The following ZNF618 variants were observed in gnomAD, a reference collection of about 807,000 sequenced individuals.
ZNF618 encodes the protein neural precursor cell expressed, developmentally down-regulated 10.
ZNF618 carries 34 observed loss-of-function variants against 103.0 expected under a neutral mutation model. That is an observed-to-expected ratio of 0.33 (90% CI 0.25 to 0.44). ZNF618 has a LOEUF of 0.44. Ranked by LOEUF, ZNF618 falls within the 20% of genes least tolerant of loss-of-function variation. The pLI, the probability that ZNF618 is intolerant of heterozygous loss-of-function variation, is 1.00. For missense variants in ZNF618, 1,059 were observed against 1,295.4 expected (o/e 0.82, Z 2.80); for synonymous variants, 551 against 542.2 (o/e 1.02, Z -0.23).
intron 10 of ZNF618, among the ~76,000 whole-genome samples, chr9:114,027,468 C>G (rs1843615380): frequency 6.6e-6 from 1 of 152,198 alleles, no homozygotes; most frequent in South Asian, 2.1e-4. Context: ...ATGGGCAGCC[C>G]CAGTCCTCAC....
chr9:113,994,153 G>C (rs527628572), intron 3 of ZNF618, among the ~76,000 whole-genome samples: 31 of 152,360 alleles, frequency 2.0e-4, no homozygotes, highest in African/African-American at 7.2e-4. Flanking sequence ...GCCAGGAAAA[G>C]AGGAGGAAGG....
chr9:113,909,845 C>T (rs1831354115), intron 1 of ZNF618, among the ~76,000 whole-genome samples: 1 of 151,432 alleles, frequency 6.6e-6, no homozygotes, highest in African/African-American at 2.4e-5. Flanking sequence ...AGTGCGGTGG[C>T]GCGGTCTCAG....
In ZNF618 at chr9:114,011,066, GAGAA is replaced by G. The variant is rs368700257; in HGVS notation, c.754+2516_754+2519del. Among the ~76,000 whole-genome samples, 757 of 152,258 alleles carry G rather than the reference GAGAA, an allele frequency of 5.0e-3. 3 individuals carry two copies. Among genetic ancestry groups the G allele is most frequent in the African/African-American group, 0.018 (732 of 41,544 alleles). Reference sequence around the variant, plus strand: ...CCAAGGTGTAGGGAGACCTGTTACTGAGAAAGAGTCAAGGGCAAGAGTTTTAGAG... The same window carrying G: ...CCAAGGTGTAGGGAGACCTGTTACTGAGAGTCAAGGGCAAGAGTTTTAGAG... On this transcript the variant is annotated intron_variant, in intron 9 of 14. Transcript: ENST00000374126.
chr9:114,050,375 C>T lies in ZNF618; in HGVS notation c.*208C>T, dbSNP rs576751251. On this transcript the variant is annotated 3_prime_UTR_variant, in exon 15 of 15. Coordinates refer to ENST00000374126, the MANE Select transcript of ZNF618 (RefSeq NM_001318042.2). ...GTGTGTGCACGTGTCTGAACACGTG[C>T]TGTGGTTGTGGGGGTGTGGGGGGGT... 1.3e-3 allele frequency: 694 copies of T among 551,470 alleles called. 8 individuals are homozygous for T. The highest frequency in any genetic ancestry group is 8.7e-3 in the South Asian group (324 of 37,288). 34.2% of individuals were successfully genotyped at this position (551,470 alleles called of 1,614,324 possible).
At chr9:113,893,708 G>A (rs1322755561) in intron 1 of ZNF618, among the ~76,000 whole-genome samples, 1 of 151,894 alleles carries the variant, frequency 6.6e-6, no homozygotes, top group African/African-American at 2.4e-5. Flanking sequence ...GAACATTTAG[G>A]TTGGTTCTGA....
At chr9:113,940,168 A>G (rs1331595138) in intron 1 of ZNF618, among the ~76,000 whole-genome samples, 1 of 151,752 alleles carries the variant, frequency 6.6e-6, no homozygotes, top group Non-Finnish European at 1.5e-5. Flanking sequence ...TACATTTCCA[A>G]GTGGTTAAAC....
At chr9:114,038,410 C>CAG (rs1564334633) in intron 13 of ZNF618, among the ~76,000 whole-genome samples, 3 of 152,206 alleles carry the variant, frequency 2.0e-5, no homozygotes, top group Non-Finnish European at 4.4e-5. Flanking sequence ...TCAGCGCAGC[C>CAG]AGAGAATGCC....
At chr9:113,995,796 A>G (rs1840532315) in intron 3 of ZNF618, among the ~76,000 whole-genome samples, 3 of 152,100 alleles carry the variant, frequency 2.0e-5, no homozygotes, top group Admixed American at 6.5e-5. Flanking sequence ...TGAGCCCGAC[A>G]CCAGTATTGT....
chr9:114,041,363 T>C (rs1015336762), intron 13 of ZNF618, among the ~76,000 whole-genome samples: 1 of 152,266 alleles, frequency 6.6e-6, no homozygotes, highest in African/African-American at 2.4e-5. Context: ...TTGGCTTTTG[T>C]TGCCATTGCT....
chr9:113,950,019 C>T (rs972727581), intron 1 of ZNF618, among the ~76,000 whole-genome samples: 5 of 152,140 alleles, frequency 3.3e-5, no homozygotes, highest in Non-Finnish European at 7.3e-5. Context: ...ATTAAACCCC[C>T]GTAGATCCTG....
intron 9 of ZNF618, among the ~76,000 whole-genome samples, chr9:114,015,364 GTTAA>G (rs1306898493): frequency 6.6e-6 from 1 of 152,130 alleles, no homozygotes; most frequent in African/African-American, 2.4e-5. Flanking sequence ...AAAAACAATA[GTTAA>G]TTAAACATGA....
intron 1 of ZNF618, among the ~76,000 whole-genome samples, chr9:113,884,668 T>C (rs1280682794): frequency 6.6e-6 from 1 of 152,040 alleles, no homozygotes; most frequent in Non-Finnish European, 1.5e-5. Context: ...TCAGTTGGGC[T>C]TAGATGGGAC....
intron 2 of ZNF618, among the ~76,000 whole-genome samples, chr9:113,984,635 G>A (rs1003464324): frequency 2.2e-4 from 33 of 152,254 alleles, no homozygotes; most frequent in African/African-American, 7.2e-4. Context: ...TTGAGGCCTC[G>A]GGCTGAGTTT....
At chr9:114,040,030 C>T (rs1844999370) in intron 13 of ZNF618, among the ~76,000 whole-genome samples, 1 of 152,082 alleles carries the variant, frequency 6.6e-6, no homozygotes, top group South Asian at 2.1e-4. Flanking sequence ...GCTTTTAACT[C>T]ATTTGTATTG....
chr9:114,008,485 G>T lies in ZNF618; in HGVS notation c.685G>T (p.Asp229Tyr). 1 of 1,613,940 alleles carries T rather than the reference G, an allele frequency of 6.2e-7. No individual in the cohort carries two copies. The highest frequency in any genetic ancestry group is 8.5e-7 in the Non-Finnish European group (1 of 1,179,864). ...CGTGTGTTCTCCCACAGACCCCTTC[G>T]ACCAAGGTGTCGTGGCCACGGACGA... is the stretch of plus-strand genomic sequence containing the variant. ...GAPENRADPF[D>Y]QGVVATDEVK... The change falls in exon 9 of 15, where the codon GAC (aspartate) becomes TAC (tyrosine). Residue 229 changes from aspartate to tyrosine, a missense_variant. This residue lies in a region of ZNF618 where 434 missense variants were observed against 476.0 expected (regional missense o/e 0.91). Transcript: ENST00000374126.
At position 113,926,147 on chromosome 9, in the gene ZNF618, G is replaced by A. The variant is rs971789475; in HGVS notation, c.34-42970G>A. On this transcript the variant is annotated intron_variant, in intron 1 of 14. Transcript: ENST00000374126. ...TTCACTGGATCAGATTTCTAGGTTG[G>A]TGTTGTTTTTTTTTTTTTTCTTTTA... Among the ~76,000 whole-genome samples the A allele has an allele frequency of 6.2e-4, 91 of 146,796 alleles. 1 individual carries two copies. Among genetic ancestry groups the A allele is most frequent in the Admixed American group, 4.5e-3 (67 of 14,852 alleles).
chr9:113,970,592 C>A (rs1837864229), intron 2 of ZNF618, among the ~76,000 whole-genome samples: 1 of 151,902 alleles, frequency 6.6e-6, no homozygotes, highest in Non-Finnish European at 1.5e-5. Context: ...TAAACTGACC[C>A]CTACCTGAGA....
chr9:113,934,768 C>T (rs1833891493), intron 1 of ZNF618, among the ~76,000 whole-genome samples: 1 of 152,222 alleles, frequency 6.6e-6, no homozygotes, highest in South Asian at 2.1e-4. Context: ...AATTCCGGAA[C>T]TCTGTGTGAC....
At chr9:113,934,596 T>A (rs983781859) in intron 1 of ZNF618, among the ~76,000 whole-genome samples, 6 of 152,130 alleles carry the variant, frequency 3.9e-5, no homozygotes, top group African/African-American at 1.4e-4. Flanking sequence ...GATTTGCAAA[T>A]GTGTTCCCCA....
Sources: gnomAD v4.1 joint callset for allele counts (sites outside exome capture counted in the v4.1 genomes callset) on GRCh38, gnomAD v4.1.1 for gene constraint, gnomAD v4.1.1 regional missense constraint, MANE v1.5 for transcripts, NCBI Gene and HGNC (gene_info 2026-07-23, HGNC 2026-07-21) for gene names.